Variants in USP8 observed in about 807,000 individuals in gnomAD.
USP8 encodes the protein ubiquitin carboxyl-terminal hydrolase 8.
Under a neutral mutation model 130.0 loss-of-function variants are expected in USP8, and 27 were observed. The observed-to-expected ratio is 0.21, with a 90% confidence interval of 0.15 to 0.29. USP8 has a LOEUF of 0.29. Ranked by LOEUF, USP8 falls within the 10% of genes least tolerant of loss-of-function variation. The pLI is 1.00. For synonymous variants in USP8, 392 were observed against 444.1 expected (o/e 0.88, Z 1.48); for missense variants, 1,029 against 1,312.2 (o/e 0.78, Z 3.33).
At chr15:50,459,707 A>G (rs954956571) in intron 5 of USP8, among the ~76,000 whole-genome samples, 9 of 152,186 alleles carry the variant, frequency 5.9e-5, no homozygotes, top group Admixed American at 6.5e-5. Context: ...TTATAAACTT[A>G]ATTAGAGCAA....
chr15:50,511,361 T>C lies in USP8; in HGVS notation c.*12273T>C, dbSNP rs1358730847. The C allele has an allele frequency of 6.6e-6, 1 of 152,160 alleles. No homozygotes were observed. Among genetic ancestry groups the C allele is most frequent in the Non-Finnish European group, 1.5e-5 (1 of 68,034 alleles). 9.4% of individuals were successfully genotyped at this position (152,160 alleles called of 1,614,324 possible). A position where few individuals can be genotyped will look rare whatever the true frequency, so the allele number is the denominator to read the frequency against. On this transcript the variant is annotated 3_prime_UTR_variant, in exon 20 of 20. Coordinates refer to ENST00000307179, the MANE Select transcript of USP8 (RefSeq NM_005154.5). ...ATGCTGCTGCCACTTTGGAAAACAA[T>C]TTGGCAGTTCCTCAAAAAATTAACC...
chr15:50,472,665 C>G (rs2051421509), intron 8 of USP8, among the ~76,000 whole-genome samples: 1 of 151,404 alleles, frequency 6.6e-6, no homozygotes, highest in Admixed American at 6.6e-5. Flanking sequence ...AATCCCAACA[C>G]TTTGGGAAGC....
intron 12 of USP8, 75 bp downstream of exon 12, chr15:50,484,436 C>G (rs1595972311): frequency 1.7e-6 from 2 of 1,166,912 alleles, no homozygotes; most frequent in African/African-American, 3.1e-5. Flanking sequence ...TATCTTACCA[C>G]ACTGCTATCT....
intron 11 of USP8, among the ~76,000 whole-genome samples, chr15:50,482,324 A>T (rs747358252): frequency 4.6e-5 from 7 of 152,238 alleles, no homozygotes; most frequent in Non-Finnish European, 7.3e-5. Flanking sequence ...AATAATTGAG[A>T]TAAATAGCTA....
At chr15:50,468,181 C>G (rs1433746407) in intron 7 of USP8, among the ~76,000 whole-genome samples, 1 of 150,394 alleles carries the variant, frequency 6.6e-6, no homozygotes, top group Non-Finnish European at 1.5e-5. Context: ...AATGATCCAC[C>G]TGCCTTGGCC....
chr15:50,448,665 A>G (rs1163057084), intron 3 of USP8, among the ~76,000 whole-genome samples: 1 of 151,872 alleles, frequency 6.6e-6, no homozygotes, highest in Non-Finnish European at 1.5e-5. Context: ...GATTACAGGC[A>G]CATACCACCA....
chr15:50,435,473 C>T (rs181620679), intron 1 of USP8, among the ~76,000 whole-genome samples: 43 of 152,280 alleles, frequency 2.8e-4, no homozygotes, highest in Non-Finnish European at 5.7e-4. Flanking sequence ...TGAACATCTG[C>T]AGATTTTTGG....
intron 8 of USP8, 43 bp downstream of exon 8, chr15:50,471,838 C>T: frequency 6.3e-7 from 1 of 1,599,492 alleles, no homozygotes; most frequent in East Asian, 2.2e-5. Context: ...TGCAGGGCAT[C>T]TCTGGTTGTT....
intron 14 of USP8, 56 bp from the exon 15 acceptor site, chr15:50,492,645 C>T: frequency 6.4e-7 from 1 of 1,573,820 alleles, no homozygotes; most frequent in Non-Finnish European, 8.6e-7. Flanking sequence ...TAGTATAGAA[C>T]CTTAATTTCA....
chr15:50,471,005 T>C (rs1375693531), intron 7 of USP8, among the ~76,000 whole-genome samples: 1 of 152,192 alleles, frequency 6.6e-6, no homozygotes, highest in Non-Finnish European at 1.5e-5. Context: ...GCAAAGAACA[T>C]GTACATGAGC....
intron 3 of USP8, among the ~76,000 whole-genome samples, chr15:50,448,134 G>C (rs2050501362): frequency 6.6e-6 from 1 of 152,164 alleles, no homozygotes; most frequent in African/African-American, 2.4e-5. Flanking sequence ...TATATGGGCT[G>C]TTAGATATGT....
At position 50,504,194 on chromosome 15, in the gene USP8, T is replaced by C. The variant is rs1009826384; in HGVS notation, c.*5106T>C. 6.6e-6 allele frequency: 1 copy of C among 152,204 alleles called. No homozygotes were observed. Among genetic ancestry groups the C allele is most frequent in the Non-Finnish European group, 1.5e-5 (1 of 68,036 alleles). 9.4% of individuals were successfully genotyped at this position (152,204 alleles called of 1,614,324 possible). On this transcript the variant is annotated 3_prime_UTR_variant, in exon 20 of 20. Coordinates refer to ENST00000307179, the MANE Select transcript of USP8 (RefSeq NM_005154.5). ...ATATTATAAGTAATCCAGAGATGAC[T>C]TAAAGTATATGGGAGGATGTGCATA...
chr15:50,471,931 C>A, intron 8 of USP8, 136 bp downstream of exon 8: 1 of 962,586 alleles, frequency 1.0e-6, no homozygotes, highest in Admixed American at 2.6e-5. Context: ...GACTGAGTCT[C>A]ACTCTGTTGC....
At chr15:50,450,768 G>GC (rs1044533478) in intron 4 of USP8, among the ~76,000 whole-genome samples, 1 of 152,116 alleles carries the variant, frequency 6.6e-6, no homozygotes. Flanking sequence ...ACTGTACCCG[G>GC]CCATTAGTCA....
At chr15:50,497,954 G>A (rs1008181529) in intron 18 of USP8, among the ~76,000 whole-genome samples, 1 of 152,246 alleles carries the variant, frequency 6.6e-6, no homozygotes, top group South Asian at 2.1e-4. Flanking sequence ...TACATGTTCA[G>A]ATTTCTCTTG....
intron 2 of USP8, among the ~76,000 whole-genome samples, chr15:50,440,175 A>T (rs2050208480): frequency 6.6e-6 from 1 of 152,178 alleles, no homozygotes; most frequent in Non-Finnish European, 1.5e-5. Flanking sequence ...GGTGACAGAA[A>T]ACAACTCTAA....
rs1211442001 is a variant in USP8 at position 50,510,059 on chromosome 15, TTAATA to T, written c.*10973_*10977del. The T allele has an allele frequency of 2.0e-5, 3 of 152,042 alleles. No individual in the cohort carries two copies. Among genetic ancestry groups the T allele is most frequent in the Non-Finnish European group, 4.4e-5 (3 of 68,010 alleles). The allele number at this position is 152,042 out of a possible 1,614,324, so 9.4% of individuals were successfully genotyped here. Reference sequence around the variant, plus strand: ...TTAATTCAATATTAATTTAATAAATTTAATATTTTATAGCTATAATTAATACAGTA... The same window carrying T: ...TTAATTCAATATTAATTTAATAAATTTTTTATAGCTATAATTAATACAGTA... On this transcript the variant is annotated 3_prime_UTR_variant, in exon 20 of 20. Coordinates refer to ENST00000307179, the MANE Select transcript of USP8 (RefSeq NM_005154.5).
intron 8 of USP8, among the ~76,000 whole-genome samples, 165 bp from the exon 9 acceptor site, chr15:50,476,684 A>G (rs2051577745): frequency 1.3e-5 from 2 of 152,190 alleles, no homozygotes; most frequent in Non-Finnish European, 2.9e-5. Flanking sequence ...CCTCACCTAT[A>G]TAACCATTTC....
In USP8 at chr15:50,449,610, C is replaced by T. The variant is rs537851133; in HGVS notation, c.335+125C>T. ...AATTTTTTTTTGAGACAGAGTCTCGCGCTGTCTGTCGCCCATGCTGGAGTG... is the reference window on the plus strand; with the variant it reads ...AATTTTTTTTTGAGACAGAGTCTCGTGCTGTCTGTCGCCCATGCTGGAGTG... On this transcript the variant is annotated intron_variant, in intron 4 of 19. Transcript: ENST00000307179. The T allele has an allele frequency of 1.2e-4, 67 of 563,720 alleles. 1 individual carries two copies. The highest frequency in any genetic ancestry group is 2.9e-4 in the Admixed American group (7 of 24,282). The allele number at this position is 563,720 out of a possible 1,614,324, so 34.9% of individuals were successfully genotyped here.
Sources: gnomAD v4.1 joint callset for allele counts (sites outside exome capture counted in the v4.1 genomes callset) on GRCh38, gnomAD v4.1.1 for gene constraint, MANE v1.5 for transcripts, NCBI Gene and HGNC (gene_info 2026-07-23, HGNC 2026-07-21) for gene names.